Variants in ACOT1 observed in about 807,000 individuals in gnomAD.
The protein encoded by ACOT1 is acyl-coenzyme A thioesterase 1.
ACOT1 carries 8 observed loss-of-function variants against 15.7 expected under a neutral mutation model. That is an observed-to-expected ratio of 0.51 (90% CI 0.30 to 0.92). The LOEUF is 0.92. Ranked by LOEUF, ACOT1 falls within the 40% of genes least tolerant of loss-of-function variation. The probability of loss-of-function intolerance (pLI) is 0.06; values close to 1 mark genes in which losing one functional copy is unlikely to be tolerated. For synonymous variants in ACOT1, 67 were observed against 241.2 expected (o/e 0.28, Z 6.69); for missense variants, 151 against 539.4 (o/e 0.28, Z 7.13).
the ACOT1 span, chr14:73,492,382 C>G: frequency 6.2e-7 from 1 of 1,613,728 alleles, no homozygotes; most frequent in Non-Finnish European, 8.5e-7. This position sits in a 1 kb window ranked among gnomAD's most constrained non-coding sequence, Gnocchi z 4.9. Context: ...GGGGTCTGCC[C>G]CGAGACTTCA....
chr14:73,520,896 A>G, the ACOT1 span: 1 of 1,614,088 alleles, frequency 6.2e-7, no homozygotes, highest in South Asian at 1.1e-5. Flanking sequence ...GGAGTAGGCA[A>G]ACTTTCCAGC....
At chr14:73,528,078 T>C in the ACOT1 span, among the ~76,000 whole-genome samples, 23 of 149,726 alleles carry the variant, frequency 1.5e-4, no homozygotes, top group Non-Finnish European at 7.4e-5. Flanking sequence ...AAGAATACCA[T>C]ATTACCATTA....
chr14:73,502,495 A>G, the ACOT1 span, among the ~76,000 whole-genome samples: 1 of 151,984 alleles, frequency 6.6e-6, no homozygotes, highest in Non-Finnish European at 1.5e-5. Context: ...GACCTGGTCC[A>G]GGGTCCGTAC....
chr14:73,528,541 C>G, the ACOT1 span, among the ~76,000 whole-genome samples: 1 of 152,032 alleles, frequency 6.6e-6, no homozygotes, highest in African/African-American at 2.4e-5. Context: ...GAGGCTTGTT[C>G]TGGCTTGTCT....
At chr14:73,517,633 T>C in the ACOT1 span, 20 of 130,062 alleles carry the variant, frequency 1.5e-4, no homozygotes, top group African/African-American at 5.4e-4. Flanking sequence ...TGTACCACTG[T>C]GCTCAGCCTG....
chr14:73,508,078 C>T, the ACOT1 span: 1 of 1,518,580 alleles, frequency 6.6e-7, no homozygotes, highest in Non-Finnish European at 9.1e-7. Flanking sequence ...CATTCACTGA[C>T]CTCAAAGACC....
the ACOT1 span, chr14:73,523,106 T>C: frequency 6.2e-7 from 1 of 1,609,598 alleles, no homozygotes; most frequent in Non-Finnish European, 8.5e-7. Context: ...CAGTGACTGA[T>C]AGAAGCAATG....
upstream of ACOT1, among the ~76,000 whole-genome samples, chr14:73,536,498 AGTGAGACCCT>A (rs1197225848): frequency 1.2e-5 from 1 of 86,446 alleles, no homozygotes; most frequent in Non-Finnish European, 2.3e-5. Flanking sequence ...CTGGCAACGT[AGTGAGACCCT>A]GTCTCTTTAA....
chr14:73,511,343 T>C, the ACOT1 span, among the ~76,000 whole-genome samples: 1 of 151,310 alleles, frequency 6.6e-6, no homozygotes, highest in Non-Finnish European at 1.5e-5. Context: ...TGAAACCCCA[T>C]CTCTACTAAA....
At position 73,537,451 on chromosome 14, in the gene ACOT1, G is replaced by A. The variant is rs1458002104; in HGVS notation, c.30G>A (p.Ala10=). 16 of 1,232,442 alleles carry A rather than the reference G, an allele frequency of 1.3e-5. 5 individuals carry two copies. The highest frequency in any genetic ancestry group is 1.7e-5 in the Non-Finnish European group (16 of 930,504). 76.3% of individuals were successfully genotyped at this position (1,232,442 alleles called of 1,614,324 possible). Residue 10 remains alanine, a synonymous_variant, in exon 1 of 3, where the codon GCG becomes GCA. Transcript: ENST00000311148. ...CGGCGACGCTGATCCTGGAGCCCGC[G>A]GGCCGCTGCTGCTGGGACGAACCGG... MAATLILEP[A]GRCCWDEPVR... is the part of the protein sequence containing the mutation.
the ACOT1 span, chr14:73,495,145 G>A: frequency 8.1e-7 from 1 of 1,230,916 alleles, no homozygotes. Context: ...TCTAAGGCTT[G>A]CTACTAAGTC....
At chr14:73,500,015 G>T in the ACOT1 span, among the ~76,000 whole-genome samples, 1 of 152,230 alleles carries the variant, frequency 6.6e-6, no homozygotes, top group Admixed American at 6.5e-5. Context: ...GGATCACGAA[G>T]TCAGGACATC....
chr14:73,503,459 T>G, the ACOT1 span, among the ~76,000 whole-genome samples: 8 of 152,176 alleles, frequency 5.3e-5, no homozygotes, highest in Non-Finnish European at 1.2e-4. Flanking sequence ...ACTCTATAAG[T>G]GCACTTCTCT....
At chr14:73,491,819 A>C in the ACOT1 span, 1 of 1,604,666 alleles carries the variant, frequency 6.2e-7, no homozygotes, top group Non-Finnish European at 8.5e-7. Context: ...CGCTCGCTAC[A>C]TCAACGGACG....
At chr14:73,522,561 CCTT>C in the ACOT1 span, 1 of 1,614,190 alleles carries the variant, frequency 6.2e-7, no homozygotes, top group Non-Finnish European at 8.5e-7. Context: ...GCTCTGGCCT[CCTT>C]CTCAGGAGGC....
At chr14:73,504,145 T>C in the ACOT1 span, among the ~76,000 whole-genome samples, 1 of 150,608 alleles carries the variant, frequency 6.6e-6, no homozygotes, top group African/African-American at 2.4e-5. Flanking sequence ...TGGCACGATC[T>C]CGGCTCACTG....
chr14:73,493,836 TCAAAAA>T, the ACOT1 span, among the ~76,000 whole-genome samples: 34 of 152,330 alleles, frequency 2.2e-4, no homozygotes, highest in African/African-American at 4.6e-4. Context: ...AGACTCCGTC[TCAAAAA>T]CAAAAACAAA....
At chr14:73,517,954 C>T in the ACOT1 span, among the ~76,000 whole-genome samples, 83 of 151,354 alleles carry the variant, frequency 5.5e-4, no homozygotes, top group East Asian at 1.6e-3. Flanking sequence ...GGTGTGGTGG[C>T]GCGCACCTGT....
the ACOT1 span, chr14:73,523,246 CT>C: frequency 1.6e-6 from 2 of 1,241,008 alleles, no homozygotes; most frequent in Non-Finnish European, 1.1e-6. Flanking sequence ...ATGGGAGGAA[CT>C]GATGAGAACT....
Sources: allele counts gnomAD v4.1 joint callset (sites outside exome capture counted in the v4.1 genomes callset), GRCh38; gene constraint gnomAD v4.1.1; non-coding constraint Gnocchi (gnomAD v3.1); transcripts MANE v1.5; gene names NCBI Gene and HGNC (gene_info 2026-07-23, HGNC 2026-07-21).